Variants in EYA1 observed in about 807,000 individuals in gnomAD.
The protein encoded by EYA1 is protein phosphatase EYA1.
Under a neutral mutation model 82.0 loss-of-function variants are expected in EYA1, and 16 were observed. That is an observed-to-expected ratio of 0.20 (90% CI 0.13 to 0.30). EYA1 has a LOEUF of 0.30. Among genes scored for constraint, EYA1 ranks in the 10% least tolerant of loss-of-function variants. The pLI is 1.00. For missense variants in EYA1, 633 were observed against 730.7 expected (o/e 0.87, Z 1.54); for synonymous variants, 261 against 264.4 (o/e 0.99, Z 0.12).
intron 2 of EYA1, among the ~76,000 whole-genome samples, chr8:71,399,222 T>A (rs1372390455): frequency 6.6e-6 from 1 of 152,126 alleles, no homozygotes; most frequent in Non-Finnish European, 1.5e-5. Flanking sequence ...GAAAGGGAAT[T>A]CCCTGACCCC....
chr8:71,416,073 T>C (rs1429094505), intron 2 of EYA1, among the ~76,000 whole-genome samples: 1 of 152,176 alleles, frequency 6.6e-6, no homozygotes, highest in Non-Finnish European at 1.5e-5. Context: ...CTACAGACTC[T>C]CTCTCCCCAG....
chr8:71,286,275 C>T (rs2128978356), intron 9 of EYA1, among the ~76,000 whole-genome samples: 1 of 152,300 alleles, frequency 6.6e-6, no homozygotes, highest in Non-Finnish European at 1.5e-5. Context: ...CTGAGGAATG[C>T]TACGGAATGC....
intron 3 of EYA1, among the ~76,000 whole-genome samples, chr8:71,347,703 C>T (rs1233260317): frequency 6.6e-6 from 1 of 151,956 alleles, no homozygotes; most frequent in African/African-American, 2.4e-5. Context: ...CACTTAAAAT[C>T]CCCTTATTAG....
intron 2 of EYA1, among the ~76,000 whole-genome samples, chr8:71,485,850 T>C (rs988152925): frequency 6.6e-6 from 1 of 152,156 alleles, no homozygotes; most frequent in African/African-American, 2.4e-5. Context: ...GCTCCATGGA[T>C]GGCATTTTTT....
At chr8:71,250,285 A>G (rs1813592859) in intron 11 of EYA1, among the ~76,000 whole-genome samples, 1 of 152,224 alleles carries the variant, frequency 6.6e-6, no homozygotes. Context: ...AAACACAACT[A>G]GGCAGAGGCC....
chr8:71,310,093 C>T (rs1052116746), intron 7 of EYA1, among the ~76,000 whole-genome samples: 1 of 152,096 alleles, frequency 6.6e-6, no homozygotes, highest in African/African-American at 2.4e-5. Context: ...ATGTCCTATA[C>T]CATTATTGAT....
At chr8:71,276,611 A>T (rs1388050417) in intron 9 of EYA1, among the ~76,000 whole-genome samples, 1 of 152,180 alleles carries the variant, frequency 6.6e-6, no homozygotes. Flanking sequence ...CTTTTGCTCT[A>T]AGTTGAGGCT....
intron 2 of EYA1, among the ~76,000 whole-genome samples, chr8:71,462,835 C>T (rs912100407): frequency 6.6e-6 from 1 of 152,164 alleles, no homozygotes; most frequent in Non-Finnish European, 1.5e-5. Flanking sequence ...AGAGGACCAG[C>T]GTCTGCCATT....
chr8:71,270,135 T>C, intron 10 of EYA1: 1 of 280,236 alleles, frequency 3.6e-6, no homozygotes, highest in East Asian at 8.3e-5. Flanking sequence ...AAATGAGTTA[T>C]AGCTAGTCTG....
rs748383972 is a variant in EYA1, at chr8:71,244,707, T to C, written c.1051-15A>G. 1.4e-6 allele frequency: 2 copies of C among 1,469,650 alleles called. No individual in the cohort carries two copies. The highest frequency in any genetic ancestry group is 4.5e-5 in the East Asian group (2 of 44,046). The allele number at this position is 1,469,650 out of a possible 1,614,324, so 91.0% of individuals were successfully genotyped here. A position where few individuals can be genotyped will look rare whatever the true frequency, so the allele number is the denominator to read the frequency against. Reference sequence around the variant, plus strand: ...GTGGGTGGATCCTAAAATAAGAATATGACAGGTGAAGAACATGTATACTTC... The same window carrying C: ...GTGGGTGGATCCTAAAATAAGAATACGACAGGTGAAGAACATGTATACTTC... On this transcript the variant is annotated splice_polypyrimidine_tract_variant and intron_variant, in intron 11 of 17. Coordinates refer to ENST00000340726, the MANE Select transcript of EYA1 (RefSeq NM_000503.6).
At chr8:71,240,274 T>C (rs938990229) in intron 12 of EYA1, among the ~76,000 whole-genome samples, 3 of 151,942 alleles carry the variant, frequency 2.0e-5, no homozygotes, top group Non-Finnish European at 4.4e-5. Context: ...AGGCCTTTTT[T>C]TTTTTTTTTA....
intron 11 of EYA1, among the ~76,000 whole-genome samples, chr8:71,266,072 T>C (rs1417846275): frequency 6.6e-6 from 1 of 152,242 alleles, no homozygotes; most frequent in Non-Finnish European, 1.5e-5. Flanking sequence ...CCAGATCCTG[T>C]GTCCTCTTAC....
chr8:71,345,912 A>G (rs1334780322), intron 3 of EYA1, among the ~76,000 whole-genome samples: 1 of 152,128 alleles, frequency 6.6e-6, no homozygotes, highest in Non-Finnish European at 1.5e-5. Flanking sequence ...CTTGAACTTC[A>G]TATCTGGAGC....
intron 2 of EYA1, among the ~76,000 whole-genome samples, chr8:71,454,195 G>A (rs531218673): frequency 4.2e-4 from 64 of 152,296 alleles, no homozygotes; most frequent in African/African-American, 1.5e-3. Flanking sequence ...TAATGGTAAT[G>A]GGATCAATTC....
At chr8:71,439,057 A>T (rs1428277128) in intron 2 of EYA1, among the ~76,000 whole-genome samples, 2 of 152,068 alleles carry the variant, frequency 1.3e-5, no homozygotes, top group African/African-American at 4.8e-5. Context: ...GGACCCAAAT[A>T]TGAGGTCAGA....
chr8:71,240,784 G>T (rs527837851), intron 12 of EYA1, among the ~76,000 whole-genome samples: 2 of 152,194 alleles, frequency 1.3e-5, no homozygotes, highest in African/African-American at 4.8e-5. Flanking sequence ...GAAAAATCCA[G>T]CAGGAGAACT....
chr8:71,455,165 G>T (rs772290180), intron 2 of EYA1, among the ~76,000 whole-genome samples: 31 of 152,082 alleles, frequency 2.0e-4, no homozygotes, highest in Non-Finnish European at 3.8e-4. Context: ...AGAAGAAATG[G>T]ATAAATTCCT....
At position 71,538,047 on chromosome 8, in the gene EYA1, T is replaced by G. The variant is rs572212536; in HGVS notation, c.-72-2199A>C. On this transcript the variant is annotated intron_variant, in intron 1 of 18. Coordinates refer to the EYA1 transcript ENST00000643681. ...AAAAAATCACAGCGAGCCGTGGACT[T>G]TATTTACAAATCCTCCAGTGCTTGC... 3.7e-4 allele frequency among the ~76,000 whole-genome samples: 56 copies of G among 152,350 alleles called. No homozygotes were observed. The South Asian group carries it at 0.012, about 32-fold the overall frequency.
At chr8:71,411,989 A>G (rs1418149337) in intron 2 of EYA1, among the ~76,000 whole-genome samples, 2 of 152,052 alleles carry the variant, frequency 1.3e-5, no homozygotes, top group Non-Finnish European at 2.9e-5. Context: ...CAAATGTCCA[A>G]AAACGATAGA....
Sources: gnomAD v4.1 joint callset for allele counts (sites outside exome capture counted in the v4.1 genomes callset) on GRCh38, gnomAD v4.1.1 for gene constraint, MANE v1.5 for transcripts, NCBI Gene and HGNC (gene_info 2026-07-23, HGNC 2026-07-21) for gene names.